The following PWWP3B variants were observed in gnomAD, a reference collection of about 807,000 sequenced individuals.
PWWP3B encodes the protein PWWP domain-containing DNA repair factor 3B.
In PWWP3B, 5 loss-of-function variants were observed where a neutral mutation model predicts 15.7. The ratio of observed to expected loss-of-function variants is 0.32; its 90% CI spans 0.17 to 0.67. The LOEUF (loss-of-function observed/expected upper bound fraction) is 0.67. PWWP3B is among the 30% of genes least tolerant of loss of function. PWWP3B has a pLI of 0.74. For synonymous variants in PWWP3B, 203 were observed against 179.8 expected, an observed-to-expected ratio of 1.13 and a Z score of -1.03; for missense variants, 519 against 493.1, an observed-to-expected ratio of 1.05 and a Z score of -0.50.
intron 2 of PWWP3B, among the ~76,000 whole-genome samples, chrX:106,189,978 A>G (rs894657804): frequency 1.2e-4 from 13 of 110,342 alleles, no homozygotes; most frequent in African/African-American, 4.3e-4. Context: ...AGTCTTTGCT[A>G]TTGTGAATAG....
Position 106,170,263 on chromosome X carries a change from C to T in PWWP3B, c.-528-749C>T, listed in dbSNP as rs1488619833. Reference sequence around the variant, plus strand: ...TCAAAAAGCTTCCACATTGGTAAGTCTCTACAGAAAAAAATCTAGAAATAT... The same window carrying T: ...TCAAAAAGCTTCCACATTGGTAAGTTTCTACAGAAAAAAATCTAGAAATAT... On this transcript the variant is annotated intron_variant, in intron 1 of 3. Transcript: ENST00000357175. 2.7e-5 allele frequency among the ~76,000 whole-genome samples: 3 copies of T among 111,970 alleles called. No individual in the cohort carries two copies. The East Asian group carries it at 8.4e-4, about 31-fold the overall frequency.
At position 106,205,842 on chromosome X, in the gene PWWP3B, A is replaced by T. The variant is rs757267759; in HGVS notation, c.410A>T (p.Asp137Val). 3 of 1,211,651 alleles carry T rather than the reference A, an allele frequency of 2.5e-6. No homozygotes were observed. The East Asian group carries it at 8.9e-5, about 36-fold the overall frequency. Residue 137 changes from aspartate (D) to valine (V), a missense_variant, in exon 4 of 4, where the codon GAT becomes GTT. Transcript: ENST00000357175. ...DSPPHKKYRKDEGDLPGCLEE... is the reference protein window; with the variant it reads ...DSPPHKKYRKVEGDLPGCLEE... ...CCCCCTCATAAAAAATACCGGAAGGATGAAGGTGACTTACCAGGGTGTCTT... is the reference window on the plus strand; with the variant it reads ...CCCCCTCATAAAAAATACCGGAAGGTTGAAGGTGACTTACCAGGGTGTCTT...
chrX:106,207,319 A>T lies in PWWP3B; in HGVS notation c.1887A>T (p.Lys629Asn). ...QIDQIMPTWI[K>N]DDKIKFILEV... Reference sequence around the variant, plus strand: ...ATCAAATAATGCCAACTTGGATAAAAGATGATAAAATTAAATTTATCCTAG... The same window carrying T: ...ATCAAATAATGCCAACTTGGATAAATGATGATAAAATTAAATTTATCCTAG... The change falls in exon 4 of 4, where the codon AAA becomes AAT. Residue 629 changes from lysine to asparagine, a missense_variant. Physicochemically the swap from Lys to Asn is moderately conservative, Grantham distance 94. Transcript: ENST00000357175. 1 of 1,204,102 alleles carries T rather than the reference A, an allele frequency of 8.3e-7. No homozygotes were observed. The highest frequency in any genetic ancestry group is 1.1e-6 in the Non-Finnish European group (1 of 891,124).
At chrX:106,190,976 C>T (rs1436018169) in intron 2 of PWWP3B, among the ~76,000 whole-genome samples, 2 of 110,892 alleles carry the variant, frequency 1.8e-5, no homozygotes, top group South Asian at 3.8e-4. Flanking sequence ...AGTCAGGTGG[C>T]GTGATGCCTC....
chrX:106,201,711 G>C (rs1923717029), intron 2 of PWWP3B: 1 of 111,709 alleles, frequency 9.0e-6, no homozygotes, highest in Non-Finnish European at 1.9e-5. Context: ...GACTGTGCCT[G>C]GCCAGTCTTG....
intron 2 of PWWP3B, among the ~76,000 whole-genome samples, chrX:106,180,361 A>T (rs949067153): frequency 2.7e-5 from 3 of 111,561 alleles, no homozygotes; most frequent in African/African-American, 9.8e-5. Context: ...AGATTTTTAA[A>T]TATTTCCCCC....
chrX:106,182,147 C>T (rs1406948091), intron 2 of PWWP3B, among the ~76,000 whole-genome samples: 1 of 112,139 alleles, frequency 8.9e-6, no homozygotes, highest in Non-Finnish European at 1.9e-5. Flanking sequence ...TGGAGAGTCA[C>T]TGCTGCCAAA....
chrX:106,190,590 C>T (rs144446012), intron 2 of PWWP3B, among the ~76,000 whole-genome samples: 2,843 of 111,503 alleles, frequency 0.025, 99 homozygotes, highest in African/African-American at 0.088. Context: ...TGCCATTGCT[C>T]TTGGTGTTTT....
intron 2 of PWWP3B, among the ~76,000 whole-genome samples, chrX:106,177,922 A>T (rs1385324984): frequency 2.7e-5 from 3 of 112,271 alleles, no homozygotes; most frequent in African/African-American, 9.7e-5. Flanking sequence ...AAGTTTTTTT[A>T]AAATCTATTT....
Position 106,206,347 on chromosome X carries a change from G to A in PWWP3B, c.915G>A (p.Gly305=), listed in dbSNP as rs1247873753. ...AACCTTCCATGGAATCAGAGATGGG[G>A]GCTGCAGCATGCCCTGGGAGTTGTT... The part of the protein sequence containing the change: ...QNQPSMESEM[G]AAACPGSCSR... Residue 305 remains glycine, a synonymous_variant, in exon 4 of 4, where the codon GGG becomes GGA. Transcript: ENST00000357175. 5.0e-6 allele frequency: 6 copies of A among 1,202,098 alleles called. No homozygotes were observed. The Admixed American group carries it at 6.7e-5, about 13-fold the overall frequency.
At position 106,206,586 on chromosome X, in the gene PWWP3B, A is replaced by G; in HGVS notation, c.1154A>G (p.Tyr385Cys). 2 of 1,210,294 alleles carry G rather than the reference A, an allele frequency of 1.7e-6. No homozygotes were observed. The highest frequency in any genetic ancestry group is 1.8e-5 in the South Asian group (1 of 56,679). ...DEELPRFILH[Y>C]ETHPFETGMI... ...GAACTTCCACGCTTCATTTTACATT[A>G]TGAGACACATCCGTTTGAAACAGGA... is the stretch of plus-strand genomic sequence containing the variant. Residue 385 changes from tyrosine (Y) to cysteine (C), a missense_variant, in exon 4 of 4, where the codon TAT becomes TGT. Coordinates refer to ENST00000357175, the MANE Select transcript of PWWP3B (RefSeq NM_001171020.2).
At chrX:106,183,420 G>T (rs969917077) in intron 2 of PWWP3B, among the ~76,000 whole-genome samples, 3 of 111,390 alleles carry the variant, frequency 2.7e-5, no homozygotes, top group Non-Finnish European at 3.8e-5. Flanking sequence ...ATTTGGACTG[G>T]GTGGGCATTT....
intron 2 of PWWP3B, among the ~76,000 whole-genome samples, chrX:106,172,086 A>G (rs1001076257): frequency 1.8e-5 from 2 of 111,052 alleles, no homozygotes; most frequent in African/African-American, 6.5e-5. Context: ...AAAATATGAC[A>G]TAAAAGACAA....
intron 2 of PWWP3B, among the ~76,000 whole-genome samples, chrX:106,203,202 G>T (rs752160278): frequency 1.6e-4 from 18 of 111,768 alleles, no homozygotes; most frequent in African/African-American, 5.8e-4. Flanking sequence ...AGTAAATATT[G>T]ATAGTGGTTA....
rs1331211020 is a variant in PWWP3B at position 106,208,337 on chromosome X, C to G, written c.*814C>G. ...CAGTGAGTAGATCTTCTTAATATAG[C>G]TGTCTGACCACATGTGGAAGGCAGC... On this transcript the variant is annotated 3_prime_UTR_variant, in exon 4 of 4. Transcript: ENST00000357175. 8.1e-6 allele frequency: 1 copy of G among 123,379 alleles called. No individual in the cohort carries two copies. Among genetic ancestry groups the G allele is most frequent in the Non-Finnish European group, 1.9e-5 (1 of 53,344 alleles). The allele number at this position is 123,379 out of a possible 1,213,427, so 10.2% of individuals were successfully genotyped here.
intron 2 of PWWP3B, among the ~76,000 whole-genome samples, chrX:106,187,959 A>G (rs954395259): frequency 1.8e-5 from 2 of 112,006 alleles, no homozygotes; most frequent in African/African-American, 6.5e-5. Flanking sequence ...CTATATCATT[A>G]TCTCCAGATT....
In PWWP3B at chrX:106,196,817, T is replaced by C. The variant is rs936160859; in HGVS notation, c.-400-7168T>C. 3.8e-4 allele frequency among the ~76,000 whole-genome samples: 43 copies of C among 111,949 alleles called. 1 individual carries two copies. Among genetic ancestry groups the C allele is most frequent in the Non-Finnish European group, 8.1e-4 (43 of 53,238 alleles). ...TGGTATTATAAAATATGTTGAAGAGTTTTTCCTCCTTTCCTCACATAATTG... is the reference window on the plus strand; with the variant it reads ...TGGTATTATAAAATATGTTGAAGAGCTTTTCCTCCTTTCCTCACATAATTG... On this transcript the variant is annotated intron_variant, in intron 2 of 3. Transcript: ENST00000357175.
chrX:106,190,662 G>T (rs1922873235), intron 2 of PWWP3B, among the ~76,000 whole-genome samples: 1 of 111,804 alleles, frequency 8.9e-6, no homozygotes, highest in Non-Finnish European at 1.9e-5. Flanking sequence ...TTCTTCTAGG[G>T]TTTTTATGGT....
intron 2 of PWWP3B, among the ~76,000 whole-genome samples, chrX:106,173,588 A>G (rs1334975625): frequency 9.0e-6 from 1 of 111,547 alleles, no homozygotes; most frequent in Admixed American, 9.5e-5. Context: ...TACTTTATTC[A>G]AGCTACTTTG....
Sources: allele counts gnomAD v4.1 joint callset (sites outside exome capture counted in the v4.1 genomes callset), GRCh38; gene constraint gnomAD v4.1.1; transcripts MANE v1.5; gene names NCBI Gene and HGNC (gene_info 2026-07-23, HGNC 2026-07-21).